Variants in NCOA2 observed in about 807,000 individuals in gnomAD.
The protein encoded by NCOA2 is nuclear receptor coactivator 2, also known as class E basic helix-loop-helix protein 75.
Under a neutral mutation model 145.1 loss-of-function variants are expected in NCOA2, and 21 were observed. The ratio of observed to expected loss-of-function variants is 0.14; its 90% CI spans 0.10 to 0.21. NCOA2 has a LOEUF of 0.21. Among genes scored for constraint, NCOA2 ranks in the 10% least tolerant of loss-of-function variants. The probability of loss-of-function intolerance (pLI) is 1.00; values close to 1 mark genes in which losing one functional copy is unlikely to be tolerated. For synonymous variants in NCOA2, 619 were observed against 637.5 expected, an observed-to-expected ratio of 0.97 and a Z score of 0.44; for missense variants, 1,472 against 1,837.6, an observed-to-expected ratio of 0.80 and a Z score of 3.64.
intron 2 of NCOA2, among the ~76,000 whole-genome samples, chr8:70,249,665 G>A (rs909427992): frequency 1.3e-5 from 2 of 152,064 alleles, no homozygotes; most frequent in African/African-American, 2.4e-5. Context: ...AACAGTATCT[G>A]TATATCAAAA....
At chr8:70,432,830 T>C in the NCOA2 span, among the ~76,000 whole-genome samples, 1 of 152,152 alleles carries the variant, frequency 6.6e-6, no homozygotes, top group Non-Finnish European at 1.5e-5. Context: ...AGTTTAGATA[T>C]AGCAAAGTTA....
At chr8:70,242,584 T>C (rs1251905791) in intron 2 of NCOA2, among the ~76,000 whole-genome samples, 1 of 152,130 alleles carries the variant, frequency 6.6e-6, no homozygotes. Flanking sequence ...TGATAATTTT[T>C]AGAGCAAATC....
intron 4 of NCOA2, among the ~76,000 whole-genome samples, chr8:70,204,161 C>T (rs907539759): frequency 2.0e-5 from 3 of 152,086 alleles, no homozygotes; most frequent in East Asian, 3.9e-4. Flanking sequence ...GCGTGTGCCA[C>T]CATGCCAGGC....
chr8:70,453,281 C>T, the NCOA2 span, among the ~76,000 whole-genome samples: 2 of 152,292 alleles, frequency 1.3e-5, no homozygotes, highest in African/African-American at 2.4e-5. Flanking sequence ...CATCGAAATG[C>T]GCCCAATGTC....
chr8:70,405,035 G>T (rs1814706370), upstream of NCOA2, among the ~76,000 whole-genome samples: 1 of 152,170 alleles, frequency 6.6e-6, no homozygotes, highest in Non-Finnish European at 1.5e-5. Context: ...ATGTATATAT[G>T]CTATAGGCCT....
intron 1 of NCOA2, among the ~76,000 whole-genome samples, chr8:70,297,661 A>G (rs1413487959): frequency 6.6e-6 from 1 of 152,218 alleles, no homozygotes; most frequent in African/African-American, 2.4e-5. Flanking sequence ...AGTAAAAATG[A>G]TGTTATAATA....
At chr8:70,260,692 T>C (rs1334863726) in intron 2 of NCOA2, among the ~76,000 whole-genome samples, 3 of 152,210 alleles carry the variant, frequency 2.0e-5, no homozygotes, top group African/African-American at 7.2e-5. Flanking sequence ...CTAACATCCA[T>C]GTTCTACTCT....
intron 10 of NCOA2, among the ~76,000 whole-genome samples, chr8:70,158,303 A>G (rs2132274345): frequency 6.6e-6 from 1 of 152,362 alleles, no homozygotes; most frequent in East Asian, 1.9e-4. Flanking sequence ...AGTTTTCCAC[A>G]GCATAAGCAT....
At chr8:70,451,184 C>T in the NCOA2 span, among the ~76,000 whole-genome samples, 1 of 135,260 alleles carries the variant, frequency 7.4e-6, no homozygotes, top group African/African-American at 2.8e-5. Flanking sequence ...CGCCACTGTG[C>T]TCCGGTCTGG....
intron 1 of NCOA2, among the ~76,000 whole-genome samples, chr8:70,359,904 T>A (rs1810056027): frequency 6.6e-6 from 1 of 152,196 alleles, no homozygotes; most frequent in Non-Finnish European, 1.5e-5. Context: ...TGAATGTGGA[T>A]CATTTCATCT....
intron 1 of NCOA2, among the ~76,000 whole-genome samples, chr8:70,394,649 T>C (rs1813496348): frequency 6.6e-6 from 1 of 152,212 alleles, no homozygotes. Context: ...TTTTAGCAAT[T>C]TGACTACAGT....
chr8:70,145,713 G>C (rs1362925348), intron 12 of NCOA2, among the ~76,000 whole-genome samples: 1 of 151,576 alleles, frequency 6.6e-6, no homozygotes, highest in Non-Finnish European at 1.5e-5. Context: ...TTAACTCCTG[G>C]GCTTAAGAAA....
At chr8:70,127,161 G>A in intron 18 of NCOA2, 114 bp from the exon 19 acceptor site, 1 of 721,770 alleles carries the variant, frequency 1.4e-6, no homozygotes, top group Non-Finnish European at 2.3e-6. Context: ...AAAATTATTT[G>A]GAAAAAAATT....
intron 4 of NCOA2, among the ~76,000 whole-genome samples, chr8:70,184,701 A>G (rs1815859324): frequency 6.6e-6 from 1 of 152,166 alleles, no homozygotes; most frequent in Non-Finnish European, 1.5e-5. Context: ...AGAGAAAGAC[A>G]GAGGGAAGGA....
intron 2 of NCOA2, among the ~76,000 whole-genome samples, chr8:70,291,874 C>A (rs1042086788): frequency 6.6e-6 from 1 of 152,044 alleles, no homozygotes; most frequent in East Asian, 2.0e-4. Context: ...CCGAGGCGGG[C>A]GGATCACAAG....
chr8:70,318,741 T>A (rs986975454), intron 1 of NCOA2, among the ~76,000 whole-genome samples: 1 of 151,756 alleles, frequency 6.6e-6, no homozygotes, highest in Non-Finnish European at 1.5e-5. Flanking sequence ...CCAGACTGGG[T>A]GACAGAGGGA....
At chr8:70,448,430 A>C in the NCOA2 span, among the ~76,000 whole-genome samples, 5 of 152,224 alleles carry the variant, frequency 3.3e-5, no homozygotes, top group Admixed American at 6.5e-5. Flanking sequence ...AAGAGAAGTC[A>C]AAACTGAAAG....
At chr8:70,229,646 T>A (rs2134192000) in intron 2 of NCOA2, among the ~76,000 whole-genome samples, 1 of 152,330 alleles carries the variant, frequency 6.6e-6, no homozygotes, top group Middle Eastern at 3.4e-3. Flanking sequence ...CCCAGGTTAC[T>A]GCCAGGCCCT....
chr8:70,304,517 A>C (rs940906569), intron 1 of NCOA2, among the ~76,000 whole-genome samples: 1 of 151,114 alleles, frequency 6.6e-6, no homozygotes, highest in Non-Finnish European at 1.5e-5. Context: ...CCCAGGCTGG[A>C]GTGCAGTGGC....
Sources: allele counts gnomAD v4.1 joint callset (sites outside exome capture counted in the v4.1 genomes callset), GRCh38; gene constraint gnomAD v4.1.1; transcripts MANE v1.5; gene names NCBI Gene and HGNC (gene_info 2026-07-23, HGNC 2026-07-21).